The following ARSJ variants were observed in gnomAD, a reference collection of about 807,000 sequenced individuals.
ARSJ encodes arylsulfatase family member J, also known as arylsulfatase J.
In ARSJ, 26 loss-of-function variants were observed where a neutral mutation model predicts 35.9. That is an observed-to-expected ratio of 0.72 (90% CI 0.53 to 1.00). The LOEUF (loss-of-function observed/expected upper bound fraction) is 1.00, where lower values mean the gene tolerates loss of function less well. Ranked by LOEUF, ARSJ falls within the 50% of genes least tolerant of loss-of-function variation. ARSJ has a pLI of 0.00. For synonymous variants in ARSJ, 294 were observed against 267.6 expected (o/e 1.10, Z -0.96); for missense variants, 667 against 723.6 (o/e 0.92, Z 0.90).
chr4:113,971,489 A>AT lies in ARSJ; in HGVS notation c.398+6947dup, dbSNP rs549225890. On this transcript the variant is annotated intron_variant, in intron 1 of 1. Coordinates refer to ENST00000315366, the MANE Select transcript of ARSJ (RefSeq NM_024590.4). ...GAGCTTAAGAGTGTGCCAATAGTTT[A>AT]TTTGACCATAATTCTACTATCAGAA... is the stretch of plus-strand genomic sequence containing the variant. Among the ~76,000 whole-genome samples, 383 of 152,206 alleles carry AT rather than the reference A, an allele frequency of 2.5e-3. 2 individuals carry two copies. Among genetic ancestry groups the AT allele is most frequent in the African/African-American group, 8.9e-3 (371 of 41,536 alleles).
intron 1 of ARSJ, among the ~76,000 whole-genome samples, chr4:113,954,199 T>G (rs1442123814): frequency 6.6e-6 from 1 of 152,046 alleles, no homozygotes; most frequent in Non-Finnish European, 1.5e-5. Flanking sequence ...TTAAACCTAT[T>G]AAGAATGATC....
chr4:113,915,215 A>G (rs536062625), intron 1 of ARSJ, among the ~76,000 whole-genome samples: 20 of 152,280 alleles, frequency 1.3e-4, no homozygotes, highest in Admixed American at 1.0e-3. Flanking sequence ...CCCTTTTATT[A>G]GTGTCTTTTC....
intron 1 of ARSJ, among the ~76,000 whole-genome samples, chr4:113,939,974 T>TA (rs1180106752): frequency 2.6e-5 from 4 of 152,094 alleles, no homozygotes; most frequent in Non-Finnish European, 5.9e-5. Context: ...TGGCAATTAT[T>TA]AAAACGTCAG....
In ARSJ at chr4:113,915,062, T is replaced by C. The variant is rs575330041; in HGVS notation, c.399-11387A>G. On this transcript the variant is annotated intron_variant, in intron 1 of 1. Coordinates refer to ENST00000315366, the MANE Select transcript of ARSJ (RefSeq NM_024590.4). The stretch of plus-strand genomic sequence containing the variant: ...CAAGGCTACAGGCATCTAGGTATCA[T>C]TGTAGGCTACAGTGATACCTGATTG... Among the ~76,000 whole-genome samples the C allele has an allele frequency of 2.1e-3, 315 of 152,276 alleles. 13 individuals carry two copies. The South Asian group carries it at 0.063, about 30-fold the overall frequency.
intron 1 of ARSJ, among the ~76,000 whole-genome samples, chr4:113,956,619 GA>G (rs1458149655): frequency 6.6e-6 from 1 of 152,096 alleles, no homozygotes; most frequent in East Asian, 1.9e-4. Context: ...ATAAGCAAAG[GA>G]AGTAAAATTA....
In ARSJ at chr4:113,972,293, G is replaced by GAAAAA. The variant is rs750176630; in HGVS notation, c.398+6139_398+6143dup. On this transcript the variant is annotated intron_variant, in intron 1 of 1. Coordinates refer to ENST00000315366, the MANE Select transcript of ARSJ (RefSeq NM_024590.4). The stretch of plus-strand genomic sequence containing the variant: ...TCATTACTTTCTAAGAGATGATCTG[G>GAAAAA]AAAAAAAAAAAAACAAAAAAAAAAA... 2.4e-3 allele frequency among the ~76,000 whole-genome samples: 150 copies of GAAAAA among 61,620 alleles called. 9 individuals carry two copies. Among genetic ancestry groups the GAAAAA allele is most frequent in the African/African-American group, 7.5e-3 (130 of 17,418 alleles). The allele number at this position is 61,620 out of a possible 152,430, so 40.4% of individuals were successfully genotyped here.
intron 1 of ARSJ, among the ~76,000 whole-genome samples, chr4:113,925,209 G>A (rs1368951975): frequency 2.6e-5 from 4 of 152,096 alleles, no homozygotes; most frequent in African/African-American, 7.2e-5. Context: ...GTGTCCAGGT[G>A]GCAATCTTAG....
chr4:113,922,688 A>G (rs1723760043), intron 1 of ARSJ, among the ~76,000 whole-genome samples: 1 of 152,208 alleles, frequency 6.6e-6, no homozygotes, highest in African/African-American at 2.4e-5. Context: ...GAAACAGTGT[A>G]ACAATTTAGA....
chr4:113,959,862 T>C (rs1726432002), intron 1 of ARSJ, among the ~76,000 whole-genome samples: 1 of 152,034 alleles, frequency 6.6e-6, no homozygotes. Context: ...CCCAACCTTG[T>C]ATTTTAGTTA....
intron 1 of ARSJ, among the ~76,000 whole-genome samples, chr4:113,925,925 G>A (rs533313945): frequency 4.6e-5 from 7 of 152,274 alleles, no homozygotes; most frequent in African/African-American, 1.4e-4. Flanking sequence ...AGTAGTGGCT[G>A]TAGCCAGGTC....
chr4:113,926,324 A>G (rs1464327855), intron 1 of ARSJ, among the ~76,000 whole-genome samples: 1 of 152,160 alleles, frequency 6.6e-6, no homozygotes, highest in Non-Finnish European at 1.5e-5. Flanking sequence ...TTCTCCTTCC[A>G]TGCAAAATGC....
At chr4:113,946,919 T>C (rs17046638) in intron 1 of ARSJ, among the ~76,000 whole-genome samples, 1,950 of 152,220 alleles carry the variant, frequency 0.013, 38 homozygotes, top group African/African-American at 0.045. Flanking sequence ...GGTATTTTAA[T>C]AGTTCAGGTT....
intron 1 of ARSJ, among the ~76,000 whole-genome samples, chr4:113,917,041 A>G (rs964367361): frequency 6.6e-6 from 1 of 152,144 alleles, no homozygotes; most frequent in African/African-American, 2.4e-5. Context: ...TTCTTTACTC[A>G]TATCATAACA....
intron 1 of ARSJ, among the ~76,000 whole-genome samples, chr4:113,945,604 TTTTGA>T (rs1725428658): frequency 6.6e-6 from 1 of 152,106 alleles, no homozygotes; most frequent in Non-Finnish European, 1.5e-5. Flanking sequence ...GGGAATTTTT[TTTTGA>T]GGGAGCTCAT....
intron 1 of ARSJ, among the ~76,000 whole-genome samples, chr4:113,921,082 T>TACACACACACACAC (rs746326993): frequency 3.1e-5 from 4 of 129,664 alleles, no homozygotes; most frequent in African/African-American, 1.1e-4. Context: ...TTCCCTGAAA[T>TACACACACACACAC]ACACACACAC....
At chr4:113,937,009 T>G (rs2149267129) in intron 1 of ARSJ, among the ~76,000 whole-genome samples, 1 of 151,976 alleles carries the variant, frequency 6.6e-6, no homozygotes, top group Admixed American at 6.6e-5. Flanking sequence ...CACACAAAAC[T>G]ATTTTCAAAG....
intron 1 of ARSJ, among the ~76,000 whole-genome samples, chr4:113,944,510 T>C (rs1725352018): frequency 6.6e-6 from 1 of 151,936 alleles, no homozygotes; most frequent in Admixed American, 6.6e-5. Context: ...ACATGTCCAA[T>C]AAAATTATAT....
chr4:113,919,948 G>GCTTTT (rs78201846), intron 1 of ARSJ, among the ~76,000 whole-genome samples: 1 of 148,572 alleles, frequency 6.7e-6, no homozygotes. Context: ...TTTTATTAAA[G>GCTTTT]ATTTTTTTTT....
chr4:113,941,280 C>A (rs913630795), intron 1 of ARSJ, among the ~76,000 whole-genome samples: 1 of 152,046 alleles, frequency 6.6e-6, no homozygotes, highest in Non-Finnish European at 1.5e-5. Context: ...CAGTTACATA[C>A]ATGAACAATT....
Sources: allele counts gnomAD v4.1 joint callset (sites outside exome capture counted in the v4.1 genomes callset), GRCh38; gene constraint gnomAD v4.1.1; transcripts MANE v1.5; gene names NCBI Gene and HGNC (gene_info 2026-07-23, HGNC 2026-07-21).